CCDC170: variants seen among roughly 807,000 people sequenced by gnomAD.
The protein encoded by CCDC170 is coiled-coil domain-containing protein 170.
In CCDC170, 69 loss-of-function variants were observed where a neutral mutation model predicts 72.6. That is an observed-to-expected ratio of 0.95 (90% CI 0.78 to 1.16). The LOEUF (loss-of-function observed/expected upper bound fraction) is 1.16. Among genes scored for constraint, CCDC170 ranks in the 50% most tolerant of loss-of-function variants. The pLI is 0.00. For synonymous variants in CCDC170, 300 were observed against 303.9 expected (o/e 0.99, Z 0.13); for missense variants, 852 against 832.5 (o/e 1.02, Z -0.29).
At chr6:151,536,617 A>G (rs896368816) in intron 2 of CCDC170, among the ~76,000 whole-genome samples, 171 bp downstream of exon 2, 1 of 151,858 alleles carries the variant, frequency 6.6e-6, no homozygotes, top group African/African-American at 2.4e-5. Context: ...TCTACTAAAA[A>G]TATAAAAATT....
At chr6:151,498,447 A>T (rs767651447) in intron 1 of CCDC170, among the ~76,000 whole-genome samples, 5 of 152,260 alleles carry the variant, frequency 3.3e-5, no homozygotes, top group Non-Finnish European at 5.9e-5. Flanking sequence ...ACAAATGTAC[A>T]GTTTAGTGGC....
At chr6:151,558,868 G>A (rs1314068622) in intron 5 of CCDC170, among the ~76,000 whole-genome samples, 1 of 151,892 alleles carries the variant, frequency 6.6e-6, no homozygotes, top group South Asian at 2.1e-4. Context: ...GATTGCTTTG[G>A]CTACTTAAGG....
intron 5 of CCDC170, among the ~76,000 whole-genome samples, chr6:151,562,570 T>C (rs1432803727): frequency 6.6e-6 from 1 of 152,186 alleles, no homozygotes; most frequent in Non-Finnish European, 1.5e-5. Context: ...TAAGAACTAA[T>C]TAGAAAGACT....
At chr6:151,510,400 A>C (rs142846798) in intron 1 of CCDC170, among the ~76,000 whole-genome samples, 1 of 152,222 alleles carries the variant, frequency 6.6e-6, no homozygotes, top group African/African-American at 2.4e-5. Flanking sequence ...CTGAAGAAAA[A>C]GGCAAAACAA....
chr6:151,498,857 A>G (rs937675627), intron 1 of CCDC170, among the ~76,000 whole-genome samples: 1 of 146,062 alleles, frequency 6.8e-6, no homozygotes, highest in East Asian at 2.0e-4. Context: ...GGCACGCTGT[A>G]TAAGTGGAAT....
chr6:151,526,379 G>A (rs533447489), intron 1 of CCDC170, among the ~76,000 whole-genome samples: 5 of 151,134 alleles, frequency 3.3e-5, no homozygotes, highest in East Asian at 3.9e-4. Flanking sequence ...GCGCTACCAC[G>A]CCCAGCTAAT....
intron 1 of CCDC170, among the ~76,000 whole-genome samples, chr6:151,531,342 C>T (rs1782487718): frequency 6.6e-6 from 1 of 152,214 alleles, no homozygotes; most frequent in Admixed American, 6.5e-5. Context: ...GTGGCTCACA[C>T]CTGTAATTCC....
At chr6:151,596,269 G>GACGCC in intron 8 of CCDC170, 66 bp from the exon 9 acceptor site, 1 of 1,440,574 alleles carries the variant, frequency 6.9e-7, no homozygotes, top group Non-Finnish European at 9.2e-7. Context: ...ACATTATCTG[G>GACGCC]GTAACTCATT....
intron 6 of CCDC170, among the ~76,000 whole-genome samples, chr6:151,583,483 A>C (rs528366496): frequency 7.2e-5 from 11 of 151,932 alleles, no homozygotes; most frequent in Non-Finnish European, 1.5e-4. Context: ...TTGAGATGGA[A>C]GTCTCATTCT....
chr6:151,586,381 A>T (rs1463276954), intron 7 of CCDC170, among the ~76,000 whole-genome samples: 1 of 152,198 alleles, frequency 6.6e-6, no homozygotes, highest in Non-Finnish European at 1.5e-5. Context: ...AATAGGGGAG[A>T]CAGATACTCA....
chr6:151,552,779 C>CTTTTTTT (rs71014597), intron 5 of CCDC170, among the ~76,000 whole-genome samples: 1 of 56,708 alleles, frequency 1.8e-5, no homozygotes, highest in African/African-American at 6.7e-5. Context: ...TCAGCCAATT[C>CTTTTTTT]TTTTTTTTTT....
intron 9 of CCDC170, among the ~76,000 whole-genome samples, chr6:151,613,139 G>A (rs904520385): frequency 5.3e-5 from 8 of 152,078 alleles, no homozygotes; most frequent in African/African-American, 1.9e-4. Context: ...TTTAGGCTGG[G>A]TGCACTGTAT....
chr6:151,515,849 C>T (rs891044376), intron 1 of CCDC170, among the ~76,000 whole-genome samples: 5 of 151,970 alleles, frequency 3.3e-5, no homozygotes, highest in Admixed American at 1.3e-4. Flanking sequence ...GGGTGGATCA[C>T]GAGGTCAAGA....
rs761432302 is a variant in CCDC170 at position 151,548,427 on chromosome 6, G to T, written c.712G>T (p.Glu238Ter). 1.2e-6 allele frequency: 2 copies of T among 1,612,442 alleles called. No individual in the cohort carries two copies. Among genetic ancestry groups the T allele is most frequent in the Middle Eastern group, 3.3e-4 (2 of 6,048 alleles). The part of the protein sequence containing the change: ...SRETIMRLAS[E>*]VNREQKKAAS... ...AGAAACGATCATGAGGCTGGCTTCA[G>T]AAGTCAACAGAGAGCAGAAAAAAGC... The change falls in exon 5 of 11, where the codon GAA (glutamate) becomes TAA (stop). Residue 238 changes from glutamate (E) to a stop codon, truncating the protein, a stop_gained. Transcript: ENST00000239374. LOFTEE classifies it high-confidence loss of function.
intron 7 of CCDC170, among the ~76,000 whole-genome samples, chr6:151,586,396 A>G (rs1776451427): frequency 6.6e-6 from 1 of 152,218 alleles, no homozygotes; most frequent in South Asian, 2.1e-4. Context: ...TACTCAGATA[A>G]TTTGCTGTAC....
chr6:151,587,701 C>A lies in CCDC170; in HGVS notation c.1293+1612C>A, dbSNP rs192835701. ...AGTCTAGCAGATGAGACAGGGAGAT[C>A]GGGGCGTAATAGTACAATAGTGCAA... On this transcript the variant is annotated intron_variant, in intron 7 of 10. Transcript: ENST00000239374. Among the ~76,000 whole-genome samples, 84 of 152,078 alleles carry A rather than the reference C, an allele frequency of 5.5e-4. 4 individuals are homozygous for A. The highest frequency in any genetic ancestry group is 3.5e-4 in the Non-Finnish European group (24 of 68,026).
intron 5 of CCDC170, among the ~76,000 whole-genome samples, chr6:151,564,128 G>A (rs1325094447): frequency 6.6e-6 from 1 of 152,150 alleles, no homozygotes; most frequent in Non-Finnish European, 1.5e-5. Flanking sequence ...TGGTGTGACA[G>A]TCACTTCTTC....
intron 9 of CCDC170, 136 bp from the exon 10 acceptor site, chr6:151,615,307 A>T: frequency 1.4e-6 from 1 of 709,102 alleles, no homozygotes; most frequent in Non-Finnish European, 2.5e-6. Context: ...AAAATCTCTA[A>T]CTGTTTGGGA....
At chr6:151,503,385 G>A (rs891276597) in intron 1 of CCDC170, among the ~76,000 whole-genome samples, 2 of 152,150 alleles carry the variant, frequency 1.3e-5, no homozygotes, top group Non-Finnish European at 2.9e-5. Flanking sequence ...AATTGGAATA[G>A]TCTTAGAAAC....
Sources: allele counts gnomAD v4.1 joint callset (sites outside exome capture counted in the v4.1 genomes callset), GRCh38; gene constraint gnomAD v4.1.1; transcripts MANE v1.5; gene names NCBI Gene and HGNC (gene_info 2026-07-23, HGNC 2026-07-21).